The following DNM3 variants were observed in gnomAD, a reference collection of about 807,000 sequenced individuals.
DNM3 encodes the protein dynamin 3.
Under a neutral mutation model 101.6 loss-of-function variants are expected in DNM3, and 47 were observed. The observed-to-expected ratio is 0.46, with a 90% CI of 0.37 to 0.59. The LOEUF (loss-of-function observed/expected upper bound fraction) is 0.59. Ranked by LOEUF, DNM3 falls within the 20% of genes least tolerant of loss-of-function variation. The pLI is 0.00. For synonymous variants in DNM3, 385 were observed against 387.9 expected, an observed-to-expected ratio of 0.99 and a Z score of 0.09; for missense variants, 849 against 1,085.7, an observed-to-expected ratio of 0.78 and a Z score of 3.06.
At chr1:172,321,115 A>G (rs537840697) in intron 16 of DNM3, among the ~76,000 whole-genome samples, 7 of 152,308 alleles carry the variant, frequency 4.6e-5, no homozygotes, top group Admixed American at 1.3e-4. Context: ...ACCACTTTAC[A>G]ATGAAGTCCT....
At chr1:172,138,229 T>G (rs889206306) in intron 14 of DNM3, 1 of 152,004 alleles carries the variant, frequency 6.6e-6, no homozygotes, top group African/African-American at 2.4e-5. Flanking sequence ...TTCACTGTGT[T>G]TTGCCCAGAC....
chr1:171,920,500 A>G (rs2040072082), intron 1 of DNM3, among the ~76,000 whole-genome samples: 1 of 152,192 alleles, frequency 6.6e-6, no homozygotes, highest in Admixed American at 6.5e-5. Context: ...CTTCAGGATG[A>G]GTCCTGGGTG....
intron 15 of DNM3, among the ~76,000 whole-genome samples, chr1:172,288,873 T>C (rs1445035140): frequency 2.6e-5 from 4 of 152,170 alleles, no homozygotes; most frequent in Non-Finnish European, 5.9e-5. Context: ...AGTTTATATA[T>C]AGTACTAAAT....
At chr1:172,082,027 T>C (rs949338196) in intron 12 of DNM3, 125 bp downstream of exon 12, 134 of 985,490 alleles carry the variant, frequency 1.4e-4, no homozygotes, top group Non-Finnish European at 1.8e-4. Flanking sequence ...TAACTCTCAG[T>C]GTGCCTACTT....
At chr1:172,110,392 G>C (rs969782720) in intron 13 of DNM3, among the ~76,000 whole-genome samples, 4 of 152,116 alleles carry the variant, frequency 2.6e-5, no homozygotes, top group Non-Finnish European at 5.9e-5. Flanking sequence ...TCCCCAATTT[G>C]ACTATATGCT....
intron 2 of DNM3, among the ~76,000 whole-genome samples, chr1:171,924,911 CT>C (rs1553301826): frequency 2.1e-5 from 3 of 142,772 alleles, no homozygotes; most frequent in African/African-American, 7.8e-5. Context: ...TTTTTTCCCC[CT>C]TTTTGAGATG....
At chr1:172,234,244 A>G (rs149798763) in intron 14 of DNM3, among the ~76,000 whole-genome samples, 25,334 of 152,072 alleles carry the variant, frequency 0.17, 2,489 homozygotes, top group East Asian at 0.28. Context: ...TTACACACCA[A>G]TAACAGACAG....
intron 3 of DNM3, among the ~76,000 whole-genome samples, 153 bp downstream of exon 3, chr1:171,987,958 T>C (rs1257301082): frequency 6.6e-6 from 1 of 152,210 alleles, no homozygotes; most frequent in Admixed American, 6.5e-5. Context: ...AAAGAGCTCT[T>C]AAGACATTTA....
rs75287099 is a variant in DNM3, at chr1:172,104,965, A to G, written c.1545+12090A>G. On this transcript the variant is annotated intron_variant, in intron 13 of 20. Transcript: ENST00000627582. ...AATATCTCTGTTTCTCTGTTTCCTC[A>G]TTTGCAAAAGGAGAATGATTATTGC... Among the ~76,000 whole-genome samples, 175 of 152,270 alleles carry G rather than the reference A, an allele frequency of 1.1e-3. 3 individuals carry two copies. The East Asian group carries it at 0.03, about 26-fold the overall frequency.
chr1:171,931,260 C>A (rs891082560), intron 2 of DNM3, among the ~76,000 whole-genome samples: 1 of 152,104 alleles, frequency 6.6e-6, no homozygotes. Flanking sequence ...TCAATGCAAT[C>A]CCTGTCATAA....
intron 14 of DNM3, among the ~76,000 whole-genome samples, chr1:172,196,203 AG>A (rs2148464152): frequency 6.6e-6 from 1 of 152,000 alleles, no homozygotes; most frequent in South Asian, 2.1e-4. Context: ...GATAGCCTCC[AG>A]CTCCATCCAT....
intron 14 of DNM3, among the ~76,000 whole-genome samples, chr1:172,206,156 G>A (rs910809562): frequency 3.3e-5 from 5 of 152,144 alleles, no homozygotes; most frequent in East Asian, 3.9e-4. Flanking sequence ...TGCAAAATTC[G>A]AATTTTTACT....
At chr1:171,904,613 C>T (rs1451904554) in intron 1 of DNM3, among the ~76,000 whole-genome samples, 1 of 152,108 alleles carries the variant, frequency 6.6e-6, no homozygotes, top group African/African-American at 2.4e-5. Context: ...GCCAGTTTCT[C>T]TCAGGAAAGA....
chr1:172,134,341 G>A (rs2057105312), intron 14 of DNM3, among the ~76,000 whole-genome samples: 1 of 152,090 alleles, frequency 6.6e-6, no homozygotes, highest in Non-Finnish European at 1.5e-5. Context: ...ATGACTAGGG[G>A]GAATGCTACT....
chr1:172,318,421 C>A (rs2065506593), intron 16 of DNM3, among the ~76,000 whole-genome samples: 1 of 152,120 alleles, frequency 6.6e-6, no homozygotes, highest in South Asian at 2.1e-4. Flanking sequence ...AAAGGGTATT[C>A]AATTAGGAAA....
intron 14 of DNM3, among the ~76,000 whole-genome samples, chr1:172,157,864 C>G (rs746526153): frequency 1.8e-4 from 27 of 151,900 alleles, no homozygotes; most frequent in Non-Finnish European, 3.5e-4. Context: ...GAAACAATCC[C>G]TCACAGACAC....
At chr1:172,035,468 A>C (rs1426552831) in intron 6 of DNM3, among the ~76,000 whole-genome samples, 2 of 152,124 alleles carry the variant, frequency 1.3e-5, no homozygotes, top group African/African-American at 4.8e-5. Flanking sequence ...GAGGAATTTC[A>C]ATAATTACTC....
chr1:171,901,717 G>T (rs1324297379), intron 1 of DNM3, among the ~76,000 whole-genome samples: 1 of 152,176 alleles, frequency 6.6e-6, no homozygotes, highest in Non-Finnish European at 1.5e-5. Flanking sequence ...TATTTCAAAT[G>T]AATGCTCCAT....
chr1:172,244,441 T>C (rs1421921229), intron 14 of DNM3, among the ~76,000 whole-genome samples: 3 of 151,780 alleles, frequency 2.0e-5, no homozygotes, highest in Non-Finnish European at 2.9e-5. Context: ...GAGAAAATTT[T>C]CGCAACCTAC....
Sources: gnomAD v4.1 joint callset for allele counts (sites outside exome capture counted in the v4.1 genomes callset) on GRCh38, gnomAD v4.1.1 for gene constraint, MANE v1.5 for transcripts, NCBI Gene and HGNC (gene_info 2026-07-23, HGNC 2026-07-21) for gene names.